The following MITF variants were observed in gnomAD, a reference collection of about 807,000 sequenced individuals.
MITF encodes the protein microphthalmia-associated transcription factor.
Under a neutral mutation model 60.5 loss-of-function variants are expected in MITF, and 17 were observed. The observed-to-expected ratio is 0.28, with a 90% CI of 0.19 to 0.42. The LOEUF is 0.42. Ranked by LOEUF, MITF falls within the 10% of genes least tolerant of loss-of-function variation. The probability of loss-of-function intolerance (pLI) is 1.00; values close to 1 mark genes in which losing one functional copy is unlikely to be tolerated. For missense variants in MITF, 622 were observed against 683.5 expected (o/e 0.91, Z 1.00); for synonymous variants, 260 against 248.5 (o/e 1.05, Z -0.43).
intron 5 of MITF, among the ~76,000 whole-genome samples, chr3:69,944,662 G>C (rs1262985219): frequency 1.3e-5 from 2 of 152,082 alleles, no homozygotes; most frequent in African/African-American, 4.8e-5. Flanking sequence ...TCTTGACGGA[G>C]TGATTCAACC....
chr3:69,906,266 A>G (rs1224630143), intron 2 of MITF, among the ~76,000 whole-genome samples: 3 of 152,068 alleles, frequency 2.0e-5, no homozygotes, highest in East Asian at 1.9e-4. Flanking sequence ...TCAGTTGATT[A>G]TATGTGTGGG....
chr3:69,794,415 G>A (rs991100754), intron 1 of MITF, among the ~76,000 whole-genome samples: 7 of 152,070 alleles, frequency 4.6e-5, no homozygotes, highest in African/African-American at 9.7e-5. Context: ...GTTGTTTGAC[G>A]TGGTTCCTTT....
intron 1 of MITF, among the ~76,000 whole-genome samples, chr3:69,785,872 C>G (rs1023500199): frequency 6.6e-6 from 1 of 152,074 alleles, no homozygotes; most frequent in Non-Finnish European, 1.5e-5. Flanking sequence ...GACAGGTAGA[C>G]ACATCCAGGG....
intron 2 of MITF, among the ~76,000 whole-genome samples, chr3:69,934,514 T>A (rs1258798390): frequency 1.3e-5 from 2 of 152,200 alleles, no homozygotes; most frequent in African/African-American, 2.4e-5. Context: ...AGAAACATGA[T>A]CTCATTTAAT....
In MITF at chr3:69,845,690, C is replaced by CCATTG. The variant is rs1314336805; in HGVS notation, c.105-33442_105-33438dup. Among the ~76,000 whole-genome samples, 5 of 152,140 alleles carry CCATTG rather than the reference C, an allele frequency of 3.3e-5. No individual in the cohort carries two copies. In the East Asian group the frequency reaches 9.7e-4, roughly 29 times the overall value. The stretch of plus-strand genomic sequence containing the variant: ...TCACCACATCTTTTCCTTACCTCCC[C>CCATTG]CATTGCCTCCATGACACTGAGGCTG... On this transcript the variant is annotated intron_variant, in intron 1 of 9. Transcript: ENST00000352241.
intron 1 of MITF, among the ~76,000 whole-genome samples, chr3:69,856,350 TC>T (rs2063918786): frequency 6.6e-6 from 1 of 152,218 alleles, no homozygotes; most frequent in South Asian, 2.1e-4. Context: ...GGTATTAAAA[TC>T]AATATAATGA....
At chr3:69,822,019 A>G (rs992798316) in intron 1 of MITF, among the ~76,000 whole-genome samples, 1 of 152,228 alleles carries the variant, frequency 6.6e-6, no homozygotes, top group Non-Finnish European at 1.5e-5. Context: ...GTGGGATTAC[A>G]GGCATGAGCC....
intron 1 of MITF, among the ~76,000 whole-genome samples, chr3:69,819,237 A>G (rs1399888462): frequency 1.3e-5 from 2 of 152,192 alleles, no homozygotes. Flanking sequence ...TCAAAGGCCC[A>G]TCCTAAAAAA....
At position 69,959,313 on chromosome 3, in the gene MITF, G is replaced by A. The variant is rs1271000541; in HGVS notation, c.1072G>A (p.Val358Met). The A allele has an allele frequency of 6.2e-7, 1 of 1,614,040 alleles. No homozygotes were observed. The highest frequency in any genetic ancestry group is 8.5e-7 in the Non-Finnish European group (1 of 1,180,010). ...WNKGTILKAS[V>M]DYIRKLQREQ... ...CAAGGGAACCATCTTAAAAGCATCCGTGGACTATATCCGAAAGTTGCAACG... is the reference window on the plus strand; with the variant it reads ...CAAGGGAACCATCTTAAAAGCATCCATGGACTATATCCGAAAGTTGCAACG... Residue 358 changes from valine to methionine, a missense_variant, in exon 9 of 10, where the codon GTG (valine) becomes ATG (methionine). Physicochemically the swap from Val to Met is conservative, Grantham distance 21. Transcript: ENST00000352241.
chr3:69,767,782 A>G (rs1363643975), intron 1 of MITF, among the ~76,000 whole-genome samples: 1 of 152,066 alleles, frequency 6.6e-6, no homozygotes, highest in Non-Finnish European at 1.5e-5. Flanking sequence ...TGGCTGCCAA[A>G]TGAAGAATGG....
At chr3:69,878,413 G>T (rs1449243831) in intron 1 of MITF, among the ~76,000 whole-genome samples, 1 of 152,128 alleles carries the variant, frequency 6.6e-6, no homozygotes, top group Non-Finnish European at 1.5e-5. Context: ...TCCTCATGGG[G>T]AATGCACAGA....
At chr3:69,818,224 T>G (rs1286736006) in intron 1 of MITF, among the ~76,000 whole-genome samples, 7 of 152,224 alleles carry the variant, frequency 4.6e-5, no homozygotes, top group Non-Finnish European at 1.0e-4. Context: ...TAAGGGGACC[T>G]AGGAAGCCTG....
chr3:69,892,108 A>C (rs933379116), intron 2 of MITF, among the ~76,000 whole-genome samples: 2 of 152,168 alleles, frequency 1.3e-5, no homozygotes, highest in Non-Finnish European at 2.9e-5. Context: ...ATAAATGTAG[A>C]TGCTGCTATG....
intron 1 of MITF, among the ~76,000 whole-genome samples, chr3:69,777,274 T>C (rs2106860764): frequency 6.6e-6 from 1 of 152,358 alleles, no homozygotes; most frequent in African/African-American, 2.4e-5. Context: ...AGTTTTGACA[T>C]GGTCTAAATT....
chr3:69,765,668 G>A (rs2062279384), intron 1 of MITF, among the ~76,000 whole-genome samples: 1 of 152,222 alleles, frequency 6.6e-6, no homozygotes, highest in Admixed American at 6.5e-5. Flanking sequence ...TCTTTCATAA[G>A]AGAGTGGATT....
intron 2 of MITF, among the ~76,000 whole-genome samples, chr3:69,927,483 C>A (rs1467394148): frequency 6.6e-6 from 1 of 151,804 alleles, no homozygotes; most frequent in African/African-American, 2.4e-5. Context: ...AAATGTATAC[C>A]TATGTAACAA....
chr3:69,868,437 A>C (rs188215873), intron 1 of MITF, among the ~76,000 whole-genome samples: 1 of 152,170 alleles, frequency 6.6e-6, no homozygotes, highest in East Asian at 1.9e-4. Context: ...ATACTAAATG[A>C]ATCAATATTT....
chr3:69,850,156 A>G (rs2063800599), intron 1 of MITF, among the ~76,000 whole-genome samples: 1 of 152,212 alleles, frequency 6.6e-6, no homozygotes, highest in Non-Finnish European at 1.5e-5. Context: ...GGAAAGGAGC[A>G]TATCATATTT....
Position 69,833,390 on chromosome 3 carries a change from T to TGTTTACACTGTATGTGGTGGTTTCCCC in MITF, c.105-45725_105-45699dup, listed in dbSNP as rs1435451116. The stretch of plus-strand genomic sequence containing the variant: ...TTTACACTGTATGTGGTTGTTTCCC[T>TGTTTACACTGTATGTGGTGGTTTCCCC]GTTTACACTGTATGTGGTGGTTTCC... On this transcript the variant is annotated intron_variant, in intron 1 of 9. Transcript: ENST00000352241. 4.6e-5 allele frequency among the ~76,000 whole-genome samples: 7 copies of TGTTTACACTGTATGTGGTGGTTTCCCC among 152,374 alleles called. No homozygotes were observed. The East Asian group carries it at 9.6e-4, about 21-fold the overall frequency.
Sources: gnomAD v4.1 joint callset for allele counts (sites outside exome capture counted in the v4.1 genomes callset) on GRCh38, gnomAD v4.1.1 for gene constraint, MANE v1.5 for transcripts, NCBI Gene and HGNC (gene_info 2026-07-23, HGNC 2026-07-21) for gene names.